The following TEX15 variants were observed in gnomAD, a reference collection of about 807,000 sequenced individuals.
TEX15 encodes testis-expressed protein 15.
A neutral mutation model predicts 237.3 loss-of-function variants in TEX15; 171 were observed. The observed-to-expected ratio is 0.72, with a 90% CI of 0.64 to 0.82. The LOEUF (loss-of-function observed/expected upper bound fraction) is 0.82. TEX15 is among the 40% of genes least tolerant of loss of function. The pLI is 0.00. For missense variants in TEX15, 3,750 were observed against 3,646.5 expected (o/e 1.03, Z -0.73); for synonymous variants, 1,338 against 1,269.8 (o/e 1.05, Z -1.14).
Position 30,848,200 on chromosome 8 carries a change from A to G in TEX15, c.1967T>C (p.Ile656Thr), listed in dbSNP as rs1807670913. The change falls in exon 8 of 11, where the codon ATA becomes ACA. Residue 656 changes from isoleucine (I) to threonine (T), a missense_variant. Ile to Thr is a moderately conservative substitution (Grantham distance 89). Transcript: ENST00000643185. ...TTGGTGCAAAACAATGTAATTATCTATTGGACTGATTTTTGTTTCATTAGT... is the reference window on the plus strand; with the variant it reads ...TTGGTGCAAAACAATGTAATTATCTGTTGGACTGATTTTTGTTTCATTAGT... ...DFTNETKISP[I>T]DNYIVLHQEY... The G allele has an allele frequency of 3.1e-6, 5 of 1,611,946 alleles. No homozygotes were observed. The highest frequency in any genetic ancestry group is 4.2e-6 in the Non-Finnish European group (5 of 1,179,676).
In TEX15 at chr8:30,847,283, C is replaced by T; in HGVS notation, c.2884G>A (p.Glu962Lys). 1 of 1,613,954 alleles carries T rather than the reference C, an allele frequency of 6.2e-7. No individual in the cohort carries two copies. The highest frequency in any genetic ancestry group is 1.1e-5 in the South Asian group (1 of 91,070). The change falls in exon 8 of 11, where the codon GAG becomes AAG. Residue 962 changes from glutamate to lysine, a missense_variant. By Grantham distance (56) the Glu-to-Lys change is moderately conservative. Coordinates refer to ENST00000643185, the MANE Select transcript of TEX15 (RefSeq NM_001350162.2). ...GGAAATGTCGTGGAAGCCAAATGCT[C>T]TACACTTCTTCCAGTATTTTCAGTA... ...KDTENTGRSV[E>K]HLASTTFPKT...
intron 1 of TEX15, among the ~76,000 whole-genome samples, chr8:30,903,372 C>T (rs1251075141): frequency 6.6e-6 from 1 of 152,142 alleles, no homozygotes; most frequent in South Asian, 2.1e-4. Context: ...AGTTAAGGGG[C>T]CCCCAGGGGT....
At chr8:30,864,754 TAAG>T (rs1482519428) in intron 5 of TEX15, among the ~76,000 whole-genome samples, 1 of 151,968 alleles carries the variant, frequency 6.6e-6, no homozygotes, top group East Asian at 1.9e-4. Flanking sequence ...CCATCTTTTT[TAAG>T]AAGACAAAAT....
At chr8:30,856,479 G>A (rs1275531204) in intron 7 of TEX15, among the ~76,000 whole-genome samples, 1 of 152,032 alleles carries the variant, frequency 6.6e-6, no homozygotes, top group Non-Finnish European at 1.5e-5. Context: ...GCTTGAGCTT[G>A]GGAGGCGGAG....
At chr8:30,836,442 G>C (rs1005450046) in intron 10 of TEX15, among the ~76,000 whole-genome samples, 1 of 151,836 alleles carries the variant, frequency 6.6e-6, no homozygotes, top group African/African-American at 2.4e-5. Context: ...TTGAACTCCT[G>C]ACCTCGTGAT....
intron 4 of TEX15, among the ~76,000 whole-genome samples, chr8:30,869,430 C>A (rs1454256843): frequency 6.6e-6 from 1 of 151,918 alleles, no homozygotes; most frequent in African/African-American, 2.4e-5. Flanking sequence ...GTAACAAGAC[C>A]AGCTGAAATC....
At chr8:30,905,155 G>A (rs1244088554) in intron 1 of TEX15, among the ~76,000 whole-genome samples, 2 of 151,804 alleles carry the variant, frequency 1.3e-5, no homozygotes, top group Non-Finnish European at 2.9e-5. Context: ...GTAACAAACA[G>A]GCTTCTCAAA....
chr8:30,901,113 G>C (rs530402168), intron 1 of TEX15, among the ~76,000 whole-genome samples: 1 of 152,178 alleles, frequency 6.6e-6, no homozygotes, highest in Admixed American at 6.5e-5. Context: ...ACTCCAGCCT[G>C]GTTGACAGAA....
At chr8:30,876,627 C>T (rs116632385) in intron 3 of TEX15, among the ~76,000 whole-genome samples, 2,005 of 152,286 alleles carry the variant, frequency 0.013, 48 homozygotes, top group African/African-American at 0.046. Context: ...ACATTGAACT[C>T]AGGCCTGAGT....
intron 3 of TEX15, among the ~76,000 whole-genome samples, chr8:30,880,276 T>C (rs1209452682): frequency 1.3e-5 from 2 of 152,182 alleles, no homozygotes; most frequent in Admixed American, 6.5e-5. Context: ...GTGATTCACC[T>C]GCCTCAGCCT....
In TEX15 at chr8:30,844,139, C is replaced by T. The variant is rs773284868; in HGVS notation, c.6028G>A (p.Ala2010Thr). The change falls in exon 8 of 11, where the codon GCA becomes ACA. Residue 2010 changes from alanine (A) to threonine (T), a missense_variant. Coordinates refer to ENST00000643185, the MANE Select transcript of TEX15 (RefSeq NM_001350162.2). ...LSQILQRADEASSLQILQEET... is the reference protein window; with the variant it reads ...LSQILQRADETSSLQILQEET... Reference sequence around the variant, plus strand: ...TCCTGTAGAATCTGCAAAGATGATGCTTCATCTGCCCTCTGCAAAATTTGA... The same window carrying T: ...TCCTGTAGAATCTGCAAAGATGATGTTTCATCTGCCCTCTGCAAAATTTGA... 7.4e-6 allele frequency: 12 copies of T among 1,613,218 alleles called. No homozygotes were observed. In the Admixed American group the frequency reaches 1.8e-4, roughly 25 times the overall value.
intron 6 of TEX15, among the ~76,000 whole-genome samples, chr8:30,859,152 TAAC>T (rs1807981449): frequency 6.6e-6 from 1 of 151,994 alleles, no homozygotes; most frequent in Non-Finnish European, 1.5e-5. Flanking sequence ...ATTAGGAAAA[TAAC>T]AATAGGTAAT....
intron 10 of TEX15, among the ~76,000 whole-genome samples, chr8:30,835,546 T>C (rs1807271534): frequency 6.6e-6 from 1 of 152,138 alleles, no homozygotes; most frequent in African/African-American, 2.4e-5. Context: ...TGGACTCCAG[T>C]CTAGGTGACA....
chr8:30,902,009 C>A (rs780000548), intron 1 of TEX15, among the ~76,000 whole-genome samples: 25 of 152,150 alleles, frequency 1.6e-4, no homozygotes, highest in Non-Finnish European at 3.2e-4. Flanking sequence ...GTCCCTAGAT[C>A]AGCAGCATCA....
chr8:30,856,642 A>G (rs1807919375), intron 7 of TEX15, among the ~76,000 whole-genome samples: 1 of 152,214 alleles, frequency 6.6e-6, no homozygotes, highest in Middle Eastern at 3.2e-3. Flanking sequence ...ACTGAATCTT[A>G]TACTTTTAAA....
At position 30,842,363 on chromosome 8, in the gene TEX15, G is replaced by A. The variant is rs1169190235; in HGVS notation, c.7804C>T (p.Pro2602Ser). ...GCCATTTTTCCTAAATCTTTCCTAG[G>A]GGCAGACATTACATTCTTCAGCAGT... ...STLLKNVMSA[P>S]RKDLGKMAHI... Residue 2602 changes from proline to serine, a missense_variant, in exon 8 of 11, where the codon CCT becomes TCT. Transcript: ENST00000643185. 10 of 1,613,508 alleles carry A rather than the reference G, an allele frequency of 6.2e-6. No individual in the cohort carries two copies. Among genetic ancestry groups the A allele is most frequent in the Non-Finnish European group, 8.5e-6 (10 of 1,179,836 alleles).
intron 1 of TEX15, among the ~76,000 whole-genome samples, chr8:30,907,668 A>G (rs1191892950): frequency 1.4e-5 from 2 of 139,398 alleles, no homozygotes; most frequent in African/African-American, 2.6e-5. Flanking sequence ...TAATTTATAT[A>G]TAAATTATAT....
In TEX15 at chr8:30,847,380, A is replaced by C; in HGVS notation, c.2787T>G (p.Asp929Glu). Residue 929 changes from aspartate (D) to glutamate (E), a missense_variant, in exon 8 of 11, where the codon GAT (aspartate) becomes GAG (glutamate). Asp to Glu is a conservative substitution (Grantham distance 45). Coordinates refer to ENST00000643185, the MANE Select transcript of TEX15 (RefSeq NM_001350162.2). Reference sequence around the variant, plus strand: ...ATGCAGTTGCTGCTGACACTGCATTATCTTCTCTGCAAATCAAGTTAAATT... The same window carrying C: ...ATGCAGTTGCTGCTGACACTGCATTCTCTTCTCTGCAAATCAAGTTAAATT... ...STKFNLICREDNAVSAATALL... is the reference protein window; with the variant it reads ...STKFNLICREENAVSAATALL... The C allele has an allele frequency of 1.2e-6, 2 of 1,613,676 alleles. No individual in the cohort carries two copies. The highest frequency in any genetic ancestry group is 1.7e-6 in the Non-Finnish European group (2 of 1,179,866).
rs1362993760 is a variant in TEX15, at chr8:30,844,779, T to C, written c.5388A>G (p.Ala1796=). 2.7e-5 allele frequency: 44 copies of C among 1,613,458 alleles called. No homozygotes were observed. The highest frequency in any genetic ancestry group is 3.6e-5 in the Non-Finnish European group (43 of 1,179,626). Residue 1796 remains alanine (A), a synonymous_variant, in exon 8 of 11, where the codon GCA becomes GCG. Coordinates refer to ENST00000643185, the MANE Select transcript of TEX15 (RefSeq NM_001350162.2). Reference sequence around the variant, plus strand: ...AACTTTTATCTTCTTCAGTTCCTGATGCTACATCCAACTCATAATTCTCAG... The same window carrying C: ...AACTTTTATCTTCTTCAGTTCCTGACGCTACATCCAACTCATAATTCTCAG... The part of the protein sequence containing the change: ...NVTENYELDV[A]SGTEEDKSYG...
Sources: gnomAD v4.1 joint callset for allele counts (sites outside exome capture counted in the v4.1 genomes callset) on GRCh38, gnomAD v4.1.1 for gene constraint, MANE v1.5 for transcripts, NCBI Gene and HGNC (gene_info 2026-07-23, HGNC 2026-07-21) for gene names.